GYS2: variants seen among roughly 807,000 people sequenced by gnomAD.
The protein encoded by GYS2 is glycogen synthase 2, also known as glycogen [starch] synthase, liver.
Under a neutral mutation model 85.6 loss-of-function variants are expected in GYS2, and 80 were observed. That is an observed-to-expected ratio of 0.93 (90% CI 0.78 to 1.13). The LOEUF (loss-of-function observed/expected upper bound fraction) is 1.13, where lower values mean the gene tolerates loss of function less well. Among genes scored for constraint, GYS2 ranks in the 50% most tolerant of loss-of-function variants. The probability of loss-of-function intolerance (pLI) is 0.00; values close to 1 mark genes in which losing one functional copy is unlikely to be tolerated. For synonymous variants in GYS2, 328 were observed against 300.7 expected, an observed-to-expected ratio of 1.09 and a Z score of -0.94; for missense variants, 881 against 854.9, an observed-to-expected ratio of 1.03 and a Z score of -0.38.
intron 1 of GYS2, among the ~76,000 whole-genome samples, chr12:21,593,699 T>C (rs1230450487): frequency 1.3e-5 from 2 of 152,024 alleles, no homozygotes; most frequent in Non-Finnish European, 2.9e-5. Flanking sequence ...CAAAGAAAAC[T>C]AACAAGTCTC....
intron 11 of GYS2, among the ~76,000 whole-genome samples, chr12:21,556,636 A>G (rs1471291332): frequency 6.6e-6 from 1 of 152,188 alleles, no homozygotes; most frequent in East Asian, 1.9e-4. Flanking sequence ...CTCAAACTCA[A>G]TTAATCAGAA....
chr12:21,554,584 T>C (rs1944154998), intron 11 of GYS2, among the ~76,000 whole-genome samples: 1 of 152,182 alleles, frequency 6.6e-6, no homozygotes, highest in South Asian at 2.1e-4. Flanking sequence ...CAATTTATTG[T>C]AATCACTCCT....
intron 11 of GYS2, among the ~76,000 whole-genome samples, chr12:21,552,856 A>C (rs1944129901): frequency 6.6e-6 from 1 of 152,140 alleles, no homozygotes; most frequent in African/African-American, 2.4e-5. Context: ...CTAACACGTC[A>C]TCTCTTTTAT....
chr12:21,536,375 C>T lies in GYS2; in HGVS notation c.*579G>A, dbSNP rs1051755867. Reference sequence around the variant, plus strand: ...CATCAATTCTAGATTTCAAAAGTGACATAAATGTCCATTAATATGCATCAA... The same window carrying T: ...CATCAATTCTAGATTTCAAAAGTGATATAAATGTCCATTAATATGCATCAA... On this transcript the variant is annotated 3_prime_UTR_variant, in exon 16 of 16. Coordinates refer to ENST00000261195, the MANE Select transcript of GYS2 (RefSeq NM_021957.4). The T allele has an allele frequency of 1.9e-5, 3 of 154,528 alleles. No individual in the cohort carries two copies. The highest frequency in any genetic ancestry group is 7.2e-5 in the African/African-American group (3 of 41,452). The allele number at this position is 154,528 out of a possible 1,614,324, so 9.6% of individuals were successfully genotyped here.
chr12:21,536,969 A>C lies in GYS2; in HGVS notation c.2097T>G (p.Gly699=). Residue 699 remains glycine (G), a synonymous_variant, in exon 16 of 16, where the codon GGT becomes GGG. Coordinates refer to ENST00000261195, the MANE Select transcript of GYS2 (RefSeq NM_021957.4). ...CATGTAGAATTCAGTTCTTATATTC[A>C]CCATGCAGCTTTTTCTTCCCATGAG... ...HVPHGKKKLH[G]EYKN 1 of 1,611,378 alleles carries C rather than the reference A, an allele frequency of 6.2e-7. No individual in the cohort carries two copies. Among genetic ancestry groups the C allele is most frequent in the Non-Finnish European group, 8.5e-7 (1 of 1,177,548 alleles).
chr12:21,591,701 T>C (rs1011373019), intron 1 of GYS2, among the ~76,000 whole-genome samples: 2 of 152,044 alleles, frequency 1.3e-5, no homozygotes, highest in African/African-American at 4.8e-5. Flanking sequence ...AGTCAAACTG[T>C]CAAAAGCCAA....
chr12:21,543,613 CAT>C (rs780750785), intron 12 of GYS2, among the ~76,000 whole-genome samples: 1 of 151,694 alleles, frequency 6.6e-6, no homozygotes, highest in Admixed American at 6.6e-5. Context: ...GTCTGGGACA[CAT>C]GTGCTGAACG....
At chr12:21,565,637 T>C (rs925692166) in intron 5 of GYS2, among the ~76,000 whole-genome samples, 2 of 150,806 alleles carry the variant, frequency 1.3e-5, no homozygotes, top group African/African-American at 2.4e-5. Flanking sequence ...TATAAATACA[T>C]GTATTATTAC....
chr12:21,542,504 G>A lies in GYS2; in HGVS notation c.1637C>T (p.Thr546Ile). The A allele has an allele frequency of 6.2e-7, 1 of 1,607,654 alleles. No individual in the cohort carries two copies. The highest frequency in any genetic ancestry group is 1.1e-5 in the South Asian group (1 of 90,964). The stretch of plus-strand genomic sequence containing the variant: ...ATGATGAAAACCCTCACCGTAAGCA[G>A]TAGGATCAGCCACGTGCTCCTGCAT... ...CFMQEHVADP[T>I]AYGIYIVDRR... The change falls in exon 13 of 16, where the codon ACT becomes ATT. Residue 546 changes from threonine to isoleucine, a missense_variant. By Grantham distance (89) the Thr-to-Ile change is moderately conservative. Coordinates refer to ENST00000261195, the MANE Select transcript of GYS2 (RefSeq NM_021957.4).
Position 21,574,194 on chromosome 12 carries a change from C to T in GYS2, c.628G>A (p.Gly210Arg). The change falls in exon 4 of 16, where the codon GGG becomes AGG. Residue 210 changes from glycine to arginine, a missense_variant. Coordinates refer to ENST00000261195, the MANE Select transcript of GYS2 (RefSeq NM_021957.4). Reference sequence around the variant, plus strand: ...ATATTTGCTGCACAGAGATACCTCCCAAGTAGTGTAGCGTGGGTTGTAAAT... The same window carrying T: ...ATATTTGCTGCACAGAGATACCTCCTAAGTAGTGTAGCGTGGGTTGTAAAT... ...TIFTTHATLL[G>R]RYLCAANIDF... The T allele has an allele frequency of 6.2e-7, 1 of 1,613,430 alleles. No homozygotes were observed. The highest frequency in any genetic ancestry group is 2.2e-5 in the East Asian group (1 of 44,870).
At chr12:21,583,465 G>C (rs1944534989) in intron 1 of GYS2, among the ~76,000 whole-genome samples, 1 of 152,206 alleles carries the variant, frequency 6.6e-6, no homozygotes, top group African/African-American at 2.4e-5. Flanking sequence ...TTTGAGTGGA[G>C]TCCAGAACAG....
chr12:21,580,570 G>T (rs1944497662), intron 1 of GYS2, 47 bp from the exon 2 acceptor site: 2 of 1,403,730 alleles, frequency 1.4e-6, no homozygotes, highest in Non-Finnish European at 1.0e-6. Context: ...TTAGCAATTT[G>T]TTTAAAGTAA....
At chr12:21,586,633 A>T (rs765802968) in intron 1 of GYS2, among the ~76,000 whole-genome samples, 2 of 152,156 alleles carry the variant, frequency 1.3e-5, no homozygotes, top group Non-Finnish European at 2.9e-5. Context: ...ATACCTCCTT[A>T]TGCCAGTCAG....
At chr12:21,600,643 G>A (rs1944745863) in intron 1 of GYS2, among the ~76,000 whole-genome samples, 1 of 152,074 alleles carries the variant, frequency 6.6e-6, no homozygotes, top group Non-Finnish European at 1.5e-5. Context: ...CAATTACAGG[G>A]GCCTTCAGGA....
chr12:21,581,305 C>T (rs1382466076), intron 1 of GYS2, among the ~76,000 whole-genome samples: 1 of 152,116 alleles, frequency 6.6e-6, no homozygotes, highest in East Asian at 1.9e-4. Context: ...CATCCTGGGC[C>T]TGGTTAAAGA....
chr12:21,574,118 A>AGAGG (rs1221795862), intron 4 of GYS2, 26 bp downstream of exon 4: 4 of 1,554,618 alleles, frequency 2.6e-6, no homozygotes, highest in Non-Finnish European at 3.6e-6. Context: ...AGGGTGAGTA[A>AGAGG]GAGGGAGGGA....
In GYS2 at chr12:21,568,853, G is replaced by A; in HGVS notation, c.823+12C>T. 1 of 1,607,256 alleles carries A rather than the reference G, an allele frequency of 6.2e-7. No homozygotes were observed. Among genetic ancestry groups the A allele is most frequent in the Non-Finnish European group, 8.5e-7 (1 of 1,173,744 alleles). On this transcript the variant is annotated intron_variant, in intron 5 of 15. Transcript: ENST00000261195. ...GGAACTGAAAGATAGGTGATCCAGG[G>A]ATAATAATTACCAGGCTTTCTCTTC... is the stretch of plus-strand genomic sequence containing the variant.
chr12:21,554,786 G>A (rs1374150712), intron 11 of GYS2, among the ~76,000 whole-genome samples: 1 of 152,304 alleles, frequency 6.6e-6, no homozygotes, highest in East Asian at 1.9e-4. Flanking sequence ...GGACACAGAG[G>A]TATGTAAGTG....
intron 7 of GYS2, among the ~76,000 whole-genome samples, chr12:21,561,833 T>C (rs1364489456): frequency 6.6e-6 from 1 of 152,214 alleles, no homozygotes; most frequent in Non-Finnish European, 1.5e-5. Flanking sequence ...AACGTGGCTT[T>C]AGTAAATTTT....
Sources: gnomAD v4.1 joint callset for allele counts (sites outside exome capture counted in the v4.1 genomes callset) on GRCh38, gnomAD v4.1.1 for gene constraint, MANE v1.5 for transcripts, NCBI Gene and HGNC (gene_info 2026-07-23, HGNC 2026-07-21) for gene names.